PTDSS1: variants seen among roughly 807,000 people sequenced by gnomAD.
PTDSS1 encodes the protein phosphatidylserine synthase 1.
A neutral mutation model predicts 70.5 loss-of-function variants in PTDSS1; 45 were observed. That is an observed-to-expected ratio of 0.64 (90% CI 0.50 to 0.82). The LOEUF (loss-of-function observed/expected upper bound fraction) is 0.82. Among genes scored for constraint, PTDSS1 ranks in the 40% least tolerant of loss-of-function variants. PTDSS1 has a pLI of 0.00. For synonymous variants in PTDSS1, 188 were observed against 203.8 expected (o/e 0.92, Z 0.66); for missense variants, 417 against 586.1 (o/e 0.71, Z 2.98).
intron 9 of PTDSS1, among the ~76,000 whole-genome samples, chr8:96,312,050 G>A (rs963427031): frequency 5.7e-4 from 87 of 152,154 alleles, no homozygotes; most frequent in African/African-American, 2.0e-3. Context: ...GAATTGTATC[G>A]ATTTACGTGT....
chr8:96,308,924 T>C (rs1283056603), intron 8 of PTDSS1, among the ~76,000 whole-genome samples: 1 of 152,134 alleles, frequency 6.6e-6, no homozygotes, highest in Non-Finnish European at 1.5e-5. Context: ...TTCCAAGTCA[T>C]TGGCATTCAA....
At chr8:96,276,120 T>G (rs1376769225) in intron 2 of PTDSS1, among the ~76,000 whole-genome samples, 1 of 152,236 alleles carries the variant, frequency 6.6e-6, no homozygotes, top group Non-Finnish European at 1.5e-5. Context: ...ATGAAAAATT[T>G]GCTGTTTCTG....
intron 2 of PTDSS1, among the ~76,000 whole-genome samples, chr8:96,276,179 C>T (rs1274223261): frequency 6.6e-6 from 1 of 152,188 alleles, no homozygotes; most frequent in Admixed American, 6.5e-5. Flanking sequence ...ATTAGTCTCT[C>T]AATAGTTGTG....
At chr8:96,331,169 T>G in intron 12 of PTDSS1, 74 bp downstream of exon 12, 1 of 1,398,840 alleles carries the variant, frequency 7.1e-7, no homozygotes, top group Middle Eastern at 1.8e-4. Context: ...ATTCTTTGAG[T>G]GGAGATGATA....
At chr8:96,315,458 C>G (rs1811274825) in intron 9 of PTDSS1, among the ~76,000 whole-genome samples, 1 of 152,106 alleles carries the variant, frequency 6.6e-6, no homozygotes, top group Non-Finnish European at 1.5e-5. Context: ...TCAAGTTTGG[C>G]TCATACACCC....
At chr8:96,293,626 A>G (rs1586193786) in intron 4 of PTDSS1, among the ~76,000 whole-genome samples, 2 of 152,378 alleles carry the variant, frequency 1.3e-5, no homozygotes, top group Admixed American at 1.3e-4. Context: ...TCTGTTCATT[A>G]CTAACTATAC....
chr8:96,301,653 G>A (rs1307125812), intron 6 of PTDSS1, among the ~76,000 whole-genome samples: 1 of 151,804 alleles, frequency 6.6e-6, no homozygotes, highest in Non-Finnish European at 1.5e-5. Context: ...CCGAGTAGCT[G>A]GGATTAGCCA....
rs948839536 is a variant in PTDSS1, at chr8:96,335,777, A to G, written c.*2211A>G. On this transcript the variant is annotated 3_prime_UTR_variant, in exon 13 of 13. Coordinates refer to ENST00000517309, the MANE Select transcript of PTDSS1 (RefSeq NM_014754.3). ...ACAGCTGCTATTCCTTTTAGAAGCCATACTGCTGGGTTTGGCCTACTTTTT... is the reference window on the plus strand; with the variant it reads ...ACAGCTGCTATTCCTTTTAGAAGCCGTACTGCTGGGTTTGGCCTACTTTTT... 3 of 152,234 alleles carry G rather than the reference A, an allele frequency of 2.0e-5. No individual in the cohort carries two copies. Among genetic ancestry groups the G allele is most frequent in the Non-Finnish European group, 2.9e-5 (2 of 68,036 alleles). 9.4% of individuals were successfully genotyped at this position (152,234 alleles called of 1,614,324 possible).
chr8:96,315,208 G>GT (rs2130140667), intron 9 of PTDSS1, among the ~76,000 whole-genome samples: 1 of 152,320 alleles, frequency 6.6e-6, no homozygotes, highest in Non-Finnish European at 1.5e-5. Flanking sequence ...GTGTGATTGT[G>GT]TGGTCATTGA....
In PTDSS1 at chr8:96,335,927, T is replaced by C. The variant is rs1811588373; in HGVS notation, c.*2361T>C. On this transcript the variant is annotated 3_prime_UTR_variant, in exon 13 of 13. Transcript: ENST00000517309. The stretch of plus-strand genomic sequence containing the variant: ...CATGGTCCCTGTTTGCAAACCACCC[T>C]CTTAAGAGAGAACATTGTTTTGGAC... 1 of 152,218 alleles carries C rather than the reference T, an allele frequency of 6.6e-6. No homozygotes were observed. Among genetic ancestry groups the C allele is most frequent in the Admixed American group, 6.5e-5 (1 of 15,282 alleles). 9.4% of individuals were successfully genotyped at this position (152,218 alleles called of 1,614,324 possible). A position where few individuals can be genotyped will look rare whatever the true frequency, so the allele number is the denominator to read the frequency against.
At chr8:96,304,266 A>G (rs111561909) in intron 7 of PTDSS1, 85 bp downstream of exon 7, 1 of 1,431,470 alleles carries the variant, frequency 7.0e-7, no homozygotes, top group Non-Finnish European at 9.5e-7. Context: ...ACATTAGTTT[A>G]CATTGCTTTT....
intron 2 of PTDSS1, among the ~76,000 whole-genome samples, chr8:96,278,185 A>G (rs1352992108): frequency 6.6e-6 from 1 of 152,226 alleles, no homozygotes; most frequent in Non-Finnish European, 1.5e-5. Flanking sequence ...GCAATCCTCC[A>G]GCACACTTAC....
At chr8:96,287,181 G>A (rs370910522) in intron 4 of PTDSS1, 35 bp downstream of exon 4, 93 of 1,609,730 alleles carry the variant, frequency 5.8e-5, no homozygotes, top group East Asian at 2.7e-4. Flanking sequence ...GGAGAAACTC[G>A]TAGACTCTTT....
chr8:96,270,492 C>G (rs1278221274), intron 1 of PTDSS1, among the ~76,000 whole-genome samples: 5 of 152,168 alleles, frequency 3.3e-5, no homozygotes, highest in Non-Finnish European at 5.9e-5. Context: ...GTCAGGCATT[C>G]TGTTCTTTTT....
intron 2 of PTDSS1, 40 bp downstream of exon 2, chr8:96,273,430 T>G: frequency 6.7e-7 from 1 of 1,485,182 alleles, no homozygotes; most frequent in Non-Finnish European, 9.2e-7. Context: ...TCCTATATTG[T>G]GCCTTTCTGG....
intron 4 of PTDSS1, among the ~76,000 whole-genome samples, chr8:96,293,897 GC>G (rs1810941116): frequency 7.4e-6 from 1 of 135,330 alleles, no homozygotes; most frequent in Admixed American, 6.7e-5. Context: ...TATACAACCT[GC>G]TTCAGCTAAG....
chr8:96,279,748 G>C (rs1810707552), intron 2 of PTDSS1, among the ~76,000 whole-genome samples: 1 of 152,066 alleles, frequency 6.6e-6, no homozygotes, highest in African/African-American at 2.4e-5. Context: ...GAACCCGGGA[G>C]GCGGAGGTTG....
intron 9 of PTDSS1, among the ~76,000 whole-genome samples, chr8:96,318,170 C>CA (rs1422036742): frequency 1.3e-5 from 2 of 151,986 alleles, no homozygotes; most frequent in African/African-American, 4.8e-5. Context: ...ACTAAAAATA[C>CA]AAAAATTAGC....
At chr8:96,330,963 TGCCCTGCCA>T in intron 11 of PTDSS1, 54 bp from the exon 12 acceptor site, 1 of 1,439,998 alleles carries the variant, frequency 6.9e-7, no homozygotes, top group Admixed American at 1.7e-5. Context: ...CTCGCCTTTT[TGCCCTGCCA>T]CTTCTCCCAG....
Sources: allele counts gnomAD v4.1 joint callset (sites outside exome capture counted in the v4.1 genomes callset), GRCh38; gene constraint gnomAD v4.1.1; transcripts MANE v1.5; gene names NCBI Gene and HGNC (gene_info 2026-07-23, HGNC 2026-07-21).